The following SLC4A4 variants were observed in gnomAD, a reference collection of about 807,000 sequenced individuals.
SLC4A4 encodes the protein electrogenic sodium bicarbonate cotransporter 1.
A neutral mutation model predicts 111.5 loss-of-function variants in SLC4A4; 27 were observed. That is an observed-to-expected ratio of 0.24 (90% CI 0.18 to 0.33). The LOEUF (loss-of-function observed/expected upper bound fraction) is 0.33. Among genes scored for constraint, SLC4A4 ranks in the 10% least tolerant of loss-of-function variants. The probability of loss-of-function intolerance (pLI) is 1.00; values close to 1 mark genes in which losing one functional copy is unlikely to be tolerated. For synonymous variants in SLC4A4, 443 were observed against 463.4 expected (o/e 0.96, Z 0.57); for missense variants, 909 against 1,315.5 (o/e 0.69, Z 4.78).
chr4:71,340,287 TC>T (rs1728795574), intron 4 of SLC4A4, among the ~76,000 whole-genome samples: 1 of 152,038 alleles, frequency 6.6e-6, no homozygotes, highest in Non-Finnish European at 1.5e-5. Flanking sequence ...CTTATGGTAG[TC>T]CCCCCAAGGT....
chr4:71,217,292 G>T (rs549385968), intron 1 of SLC4A4, among the ~76,000 whole-genome samples: 224 of 152,342 alleles, frequency 1.5e-3, no homozygotes, highest in African/African-American at 5.2e-3. Flanking sequence ...TATGGGCTGG[G>T]TGTGGTGGCT....
At chr4:71,536,486 A>ATATATATATATATGTG (rs199681803) in intron 18 of SLC4A4, among the ~76,000 whole-genome samples, 1 of 68,046 alleles carries the variant, frequency 1.5e-5, no homozygotes, top group Non-Finnish European at 2.8e-5. Flanking sequence ...ATATATATAT[A>ATATATATATATATGTG]TGTATATATT....
chr4:71,293,637 T>C (rs1410918507), intron 3 of SLC4A4, among the ~76,000 whole-genome samples: 1 of 152,042 alleles, frequency 6.6e-6, no homozygotes, highest in Non-Finnish European at 1.5e-5. Context: ...GATTAGAGAA[T>C]AGTCAAGTTT....
At chr4:71,174,825 G>A (rs1372879100) in intron 2 of SLC4A4, among the ~76,000 whole-genome samples, 2 of 152,184 alleles carry the variant, frequency 1.3e-5, no homozygotes, top group African/African-American at 2.4e-5. Flanking sequence ...TTACGATGTA[G>A]CCCAGGCTCA....
At chr4:71,437,698 C>T (rs1470520154) in intron 7 of SLC4A4, 1 of 400,448 alleles carries the variant, frequency 2.5e-6, no homozygotes, top group African/African-American at 2.1e-5. Flanking sequence ...TGATCCAGTT[C>T]CTATAATGGA....
intron 6 of SLC4A4, among the ~76,000 whole-genome samples, chr4:71,376,156 T>TATACAC (rs1553900734): frequency 0.077 from 10,374 of 135,488 alleles, 618 homozygotes; most frequent in African/African-American, 0.15. Flanking sequence ...CCTGTATATA[T>TATACAC]ACACACACAC....
chr4:71,453,089 A>G (rs1480098769), intron 11 of SLC4A4, among the ~76,000 whole-genome samples: 2 of 152,174 alleles, frequency 1.3e-5, no homozygotes, highest in African/African-American at 4.8e-5. Context: ...TGAAGATGAA[A>G]GAATGAATGA....
At chr4:71,080,421 G>C (rs1741960813) in intron 1 of SLC4A4, among the ~76,000 whole-genome samples, 1 of 152,030 alleles carries the variant, frequency 6.6e-6, no homozygotes, top group Non-Finnish European at 1.5e-5. Context: ...AAAGTGCTGG[G>C]TAAGTAAGAG....
At chr4:71,179,205 CAAA>C (rs1745201040) in intron 2 of SLC4A4, among the ~76,000 whole-genome samples, 1 of 152,124 alleles carries the variant, frequency 6.6e-6, no homozygotes, top group South Asian at 2.1e-4. Flanking sequence ...GGATGTATCT[CAAA>C]ATAATAAGAG....
At chr4:71,144,395 T>G (rs945592328) in intron 2 of SLC4A4, among the ~76,000 whole-genome samples, 2 of 152,248 alleles carry the variant, frequency 1.3e-5, no homozygotes, top group African/African-American at 4.8e-5. Flanking sequence ...CCTCCAGCTT[T>G]GTTCTTTTGG....
chr4:71,325,138 A>C (rs1578839690), intron 3 of SLC4A4, among the ~76,000 whole-genome samples: 1 of 152,112 alleles, frequency 6.6e-6, no homozygotes, highest in South Asian at 2.1e-4. Flanking sequence ...GCTTGCTAAC[A>C]TGTAAATTGA....
At chr4:71,100,599 C>A (rs998019429) in intron 2 of SLC4A4, among the ~76,000 whole-genome samples, 1 of 152,080 alleles carries the variant, frequency 6.6e-6, no homozygotes, top group Non-Finnish European at 1.5e-5. Context: ...CTGCCCAGAG[C>A]AGTCAGACAA....
chr4:71,199,133 A>T (rs554609466), intron 1 of SLC4A4, among the ~76,000 whole-genome samples: 1 of 152,142 alleles, frequency 6.6e-6, no homozygotes, highest in African/African-American at 2.4e-5. Flanking sequence ...CTGTTCTTTG[A>T]TGTCGTCAGG....
rs1446044440 is a variant in SLC4A4, at chr4:71,555,294, T to C, written c.2763+86T>C. ...GTAACAGATCTTTGAAGAAAAGTGCTAATCATTATTAACTGCTGAGTTTTT... is the reference window on the plus strand; with the variant it reads ...GTAACAGATCTTTGAAGAAAAGTGCCAATCATTATTAACTGCTGAGTTTTT... On this transcript the variant is annotated intron_variant, in intron 21 of 25. Coordinates refer to ENST00000264485, the MANE Select transcript of SLC4A4 (RefSeq NM_001098484.3). The C allele has an allele frequency of 5.6e-6, 5 of 885,910 alleles. No individual in the cohort carries two copies. The African/African-American group carries it at 6.6e-5, about 12-fold the overall frequency. The allele number at this position is 885,910 out of a possible 1,614,324, so 54.9% of individuals were successfully genotyped here.
intron 7 of SLC4A4, among the ~76,000 whole-genome samples, chr4:71,422,584 C>T (rs1722647690): frequency 6.6e-6 from 1 of 151,932 alleles, no homozygotes; most frequent in African/African-American, 2.4e-5. Flanking sequence ...TGCAAAAATC[C>T]TCAATAAAAT....
intron 6 of SLC4A4, among the ~76,000 whole-genome samples, chr4:71,371,087 G>T (rs954734453): frequency 1.3e-5 from 2 of 152,106 alleles, no homozygotes; most frequent in Non-Finnish European, 2.9e-5. Context: ...GGTGTGCAAA[G>T]TAGTGTTAAA....
chr4:71,166,005 C>T (rs907726266), intron 2 of SLC4A4, among the ~76,000 whole-genome samples: 1 of 152,070 alleles, frequency 6.6e-6, no homozygotes, highest in African/African-American at 2.4e-5. Context: ...AGAAGTAAAG[C>T]CAAGAGCCTT....
At chr4:71,181,145 C>T (rs1745278413) in intron 2 of SLC4A4, among the ~76,000 whole-genome samples, 1 of 142,190 alleles carries the variant, frequency 7.0e-6, no homozygotes, top group African/African-American at 2.7e-5. Flanking sequence ...TGTTCTCACT[C>T]ATAGGTGGGA....
chr4:71,119,786 C>G (rs1192147557), intron 2 of SLC4A4, among the ~76,000 whole-genome samples: 1 of 152,188 alleles, frequency 6.6e-6, no homozygotes, highest in Non-Finnish European at 1.5e-5. Flanking sequence ...TAAAGTGAGA[C>G]AAGCTCACTT....
Sources: gnomAD v4.1 joint callset for allele counts (sites outside exome capture counted in the v4.1 genomes callset) on GRCh38, gnomAD v4.1.1 for gene constraint, MANE v1.5 for transcripts, NCBI Gene and HGNC (gene_info 2026-07-23, HGNC 2026-07-21) for gene names.